IL1RAPL1: variants seen among roughly 807,000 people sequenced by gnomAD.
IL1RAPL1 encodes interleukin-1 receptor accessory protein-like 1.
Under a neutral mutation model 48.4 loss-of-function variants are expected in IL1RAPL1, and 3 were observed. The ratio of observed to expected loss-of-function variants is 0.06; its 90% CI spans 0.03 to 0.16. The LOEUF (loss-of-function observed/expected upper bound fraction) is 0.16, where lower values mean the gene tolerates loss of function less well. Among genes scored for constraint, IL1RAPL1 ranks in the 10% least tolerant of loss-of-function variants. The probability of loss-of-function intolerance (pLI) is 1.00; values close to 1 mark genes in which losing one functional copy is unlikely to be tolerated. For missense variants in IL1RAPL1, 349 were observed against 530.6 expected (o/e 0.66, Z 3.36); for synonymous variants, 185 against 187.7 (o/e 0.99, Z 0.12).
intron 3 of IL1RAPL1, among the ~76,000 whole-genome samples, chrX:29,341,405 A>G (rs781518096): frequency 2.7e-5 from 3 of 112,243 alleles, no homozygotes; most frequent in Admixed American, 1.9e-4. Context: ...TGGCATACTC[A>G]TTTGCATACT....
At chrX:29,582,356 T>TTC (rs1569343649) in intron 5 of IL1RAPL1, among the ~76,000 whole-genome samples, 11 of 56,589 alleles carry the variant, frequency 1.9e-4, no homozygotes, top group African/African-American at 1.1e-3. Flanking sequence ...CATCTTTTTT[T>TTC]TTTTATTTTT....
intron 1 of IL1RAPL1, among the ~76,000 whole-genome samples, chrX:28,697,997 C>G (rs1183470322): frequency 9.0e-6 from 1 of 111,329 alleles, no homozygotes. Context: ...TTCTAGTCCT[C>G]AAACATGACA....
intron 2 of IL1RAPL1, among the ~76,000 whole-genome samples, chrX:29,102,997 T>A (rs997662803): frequency 8.9e-6 from 1 of 112,241 alleles, no homozygotes; most frequent in African/African-American, 3.2e-5. Flanking sequence ...TGGAAAGATA[T>A]TCCATGTTCA....
intron 2 of IL1RAPL1, among the ~76,000 whole-genome samples, chrX:29,236,545 C>CTTTTTTTTTTT (rs754996544): frequency 1.9e-3 from 121 of 63,146 alleles, no homozygotes; most frequent in African/African-American, 5.0e-3. Flanking sequence ...CTTTTTTTTT[C>CTTTTTTTTTTT]TTTTTTTTTT....
intron 5 of IL1RAPL1, among the ~76,000 whole-genome samples, chrX:29,640,336 C>T (rs1015445339): frequency 4.5e-5 from 5 of 111,498 alleles, no homozygotes; most frequent in Admixed American, 1.9e-4. Flanking sequence ...GTGGGGCCCT[C>T]ACTCCACAGT....
At chrX:29,597,875 C>T (rs769616979) in intron 5 of IL1RAPL1, among the ~76,000 whole-genome samples, 1 of 111,982 alleles carries the variant, frequency 8.9e-6, no homozygotes, top group East Asian at 2.8e-4. Flanking sequence ...GTAGTAATAC[C>T]TCATGTTTTG....
intron 6 of IL1RAPL1, among the ~76,000 whole-genome samples, chrX:29,732,366 T>C (rs949124221): frequency 8.9e-6 from 1 of 111,816 alleles, no homozygotes; most frequent in Non-Finnish European, 1.9e-5. Flanking sequence ...TCTGATCATA[T>C]CTTTACTCAT....
At position 28,894,843 on chromosome X, in the gene IL1RAPL1, G is replaced by T. The variant is rs1922867626; in HGVS notation, c.82+105418G>T. Among the ~76,000 whole-genome samples the T allele has an allele frequency of 3.6e-5, 4 of 111,326 alleles. No homozygotes were observed. In the Admixed American group the frequency reaches 3.8e-4, roughly 11 times the overall value. On this transcript the variant is annotated intron_variant, in intron 2 of 10. Transcript: ENST00000378993. The stretch of plus-strand genomic sequence containing the variant: ...TAGGAAAGAAAGGAGTTGTTTTGTA[G>T]AAGGGATTGGGGTTTGGGAGATTAG...
In IL1RAPL1 at chrX:29,396,388, C is replaced by T. The variant is rs1365228431; in HGVS notation, c.493C>T (p.Arg165Cys). ...ELSKSKEISCRDIEDFLLPTR... is the reference protein window; with the variant it reads ...ELSKSKEISCCDIEDFLLPTR... ...TAGCAAAAGCAAGGAAATTTCATGC[C>T]GTGACATAGAGGATTTTCTACTGCC... Residue 165 changes from arginine to cysteine, a missense_variant, in exon 4 of 11, where the codon CGT (arginine) becomes TGT (cysteine). By Grantham distance (180) the Arg-to-Cys change is radical. Around this residue, in one of 3 missense-constraint regions of IL1RAPL1, gnomAD observed 238 missense variants for 337.8 expected, o/e 0.70. Coordinates refer to ENST00000378993, the MANE Select transcript of IL1RAPL1 (RefSeq NM_014271.4). 4.1e-6 allele frequency: 5 copies of T among 1,209,544 alleles called. No individual in the cohort carries two copies. Among genetic ancestry groups the T allele is most frequent in the African/African-American group, 1.7e-5 (1 of 57,287 alleles).
At chrX:29,587,271 C>G (rs1414850064) in intron 5 of IL1RAPL1, among the ~76,000 whole-genome samples, 1 of 108,958 alleles carries the variant, frequency 9.2e-6, no homozygotes, top group Non-Finnish European at 1.9e-5. Context: ...CTCAACTTTC[C>G]TCCTTGAAAG....
At chrX:29,168,373 C>T (rs1929829053) in intron 2 of IL1RAPL1, among the ~76,000 whole-genome samples, 1 of 106,355 alleles carries the variant, frequency 9.4e-6, no homozygotes, top group Non-Finnish European at 1.9e-5. Flanking sequence ...TGTTTGCTAA[C>T]TACTATTCTA....
At chrX:29,758,565 A>G (rs1928672294) in intron 6 of IL1RAPL1, among the ~76,000 whole-genome samples, 1 of 109,666 alleles carries the variant, frequency 9.1e-6, no homozygotes, top group Non-Finnish European at 1.9e-5. Context: ...GTATGGTGGT[A>G]TGTGCCCATA....
intron 3 of IL1RAPL1, among the ~76,000 whole-genome samples, chrX:29,334,767 G>A (rs1168521755): frequency 1.8e-5 from 2 of 113,587 alleles, no homozygotes; most frequent in African/African-American, 6.4e-5. Flanking sequence ...TGGCGGCCGG[G>A]CAGAGACGCT....
chrX:29,146,758 T>C (rs911163204), intron 2 of IL1RAPL1, among the ~76,000 whole-genome samples: 2 of 112,000 alleles, frequency 1.8e-5, no homozygotes, highest in African/African-American at 3.2e-5. Context: ...TAATGGTCCA[T>C]TGTTACAAGA....
intron 6 of IL1RAPL1, among the ~76,000 whole-genome samples, chrX:29,738,344 A>T (rs753364996): frequency 9.0e-6 from 1 of 111,478 alleles, no homozygotes; most frequent in African/African-American, 3.2e-5. Context: ...GGAAAGCCTG[A>T]GGTAATTCTA....
At chrX:29,359,761 G>A (rs1418683306) in intron 3 of IL1RAPL1, among the ~76,000 whole-genome samples, 1 of 111,599 alleles carries the variant, frequency 9.0e-6, no homozygotes, top group African/African-American at 3.3e-5. Context: ...GGTAAACTAT[G>A]GGACTAGTTA....
At chrX:29,302,133 C>CA (rs1932545204) in intron 3 of IL1RAPL1, among the ~76,000 whole-genome samples, 1 of 111,604 alleles carries the variant, frequency 9.0e-6, no homozygotes, top group African/African-American at 3.3e-5. Flanking sequence ...GACAGTGATC[C>CA]AGGATGGCCT....
chrX:28,603,775 A>G (rs990134086), intron 1 of IL1RAPL1, among the ~76,000 whole-genome samples: 8 of 112,706 alleles, frequency 7.1e-5, no homozygotes, highest in African/African-American at 1.9e-4. Flanking sequence ...TTAAAAACAC[A>G]CTAAGCCTAG....
At chrX:29,517,886 A>G (rs772868833) in intron 5 of IL1RAPL1, among the ~76,000 whole-genome samples, 140 of 111,676 alleles carry the variant, frequency 1.3e-3, no homozygotes, top group African/African-American at 3.9e-3. Context: ...TCTTTTATGA[A>G]CTTCTGCTGT....
Sources: gnomAD v4.1 joint callset for allele counts (sites outside exome capture counted in the v4.1 genomes callset) on GRCh38, gnomAD v4.1.1 for gene constraint, gnomAD v4.1.1 regional missense constraint, MANE v1.5 for transcripts, NCBI Gene and HGNC (gene_info 2026-07-23, HGNC 2026-07-21) for gene names.